The following SHLD1 variants were observed in gnomAD, a reference collection of about 807,000 sequenced individuals.
SHLD1 encodes RINN1-REV7-interacting novel NHEJ regulator 3.
SHLD1 carries 3 observed loss-of-function variants against 5.5 expected under a neutral mutation model. The ratio of observed to expected loss-of-function variants is 0.54; its 90% CI spans 0.25 to 1.40. SHLD1 has a LOEUF of 1.40. Ranked by LOEUF, SHLD1 falls within the 40% of genes most tolerant of loss-of-function variation. The probability of loss-of-function intolerance (pLI) is 0.15; values close to 1 mark genes in which losing one functional copy is unlikely to be tolerated. For missense variants in SHLD1, 210 were observed against 244.4 expected, an observed-to-expected ratio of 0.86 and a Z score of 0.94; for synonymous variants, 92 against 94.3, an observed-to-expected ratio of 0.98 and a Z score of 0.14.
At chr20:5,791,244 T>C (rs2087134466) in intron 2 of SHLD1, among the ~76,000 whole-genome samples, 2 of 101,358 alleles carry the variant, frequency 2.0e-5, no homozygotes, top group South Asian at 4.0e-4. Context: ...AAACAGAAAA[T>C]CTTAGCAAAT....
intron 2 of SHLD1, among the ~76,000 whole-genome samples, chr20:5,832,921 A>G (rs1174574706): frequency 6.6e-6 from 1 of 152,236 alleles, no homozygotes. Context: ...CCTGAGAATT[A>G]TAACAGAAGA....
chr20:5,791,563 CA>C (rs34606715), intron 2 of SHLD1, among the ~76,000 whole-genome samples: 16,203 of 60,966 alleles, frequency 0.27, 571 homozygotes, highest in Middle Eastern at 0.43. Context: ...GACCCTGTCT[CA>C]AAAAAAAAAA....
At chr20:5,848,459 C>A (rs1249526464) in intron 2 of SHLD1, among the ~76,000 whole-genome samples, 1 of 152,142 alleles carries the variant, frequency 6.6e-6, no homozygotes, top group African/African-American at 2.4e-5. Context: ...GCAGAGATTG[C>A]AATGAGCCAA....
chr20:5,843,685 T>A (rs1186348011), intron 2 of SHLD1, among the ~76,000 whole-genome samples: 1 of 152,232 alleles, frequency 6.6e-6, no homozygotes, highest in African/African-American at 2.4e-5. Flanking sequence ...ACCAGCTCAG[T>A]CAAACATTTT....
intron 1 of SHLD1, among the ~76,000 whole-genome samples, chr20:5,753,594 A>G (rs1162897208): frequency 1.3e-5 from 2 of 152,224 alleles, no homozygotes; most frequent in Admixed American, 6.5e-5. Context: ...CTGTGCCACT[A>G]GAAAAGGGAT....
At chr20:5,752,387 C>T (rs1420901318) in intron 1 of SHLD1, among the ~76,000 whole-genome samples, 3 of 136,244 alleles carry the variant, frequency 2.2e-5, no homozygotes, top group Non-Finnish European at 4.6e-5. Flanking sequence ...CAGAGTGAGA[C>T]TCCATCTCAA....
In SHLD1 at chr20:5,757,071, C is replaced by CTT. The variant is rs753877287; in HGVS notation, c.-5+6610_-5+6611dup. 7.1e-4 allele frequency among the ~76,000 whole-genome samples: 88 copies of CTT among 123,204 alleles called. 1 individual carries two copies. Among genetic ancestry groups the CTT allele is most frequent in the East Asian group, 1.4e-3 (6 of 4,386 alleles). 80.8% of individuals were successfully genotyped at this position (123,204 alleles called of 152,430 possible). A position where few individuals can be genotyped will look rare whatever the true frequency, so the allele number is the denominator to read the frequency against. On this transcript the variant is annotated intron_variant, in intron 1 of 2. Transcript: ENST00000303142. ...TTTCTTTTTCTTTTTTTCTTTCTTT[C>CTT]TTTTTTTTTTTTTTTTTTTGAGACA...
In SHLD1 at chr20:5,790,190, C is replaced by T. The variant is rs146951777; in HGVS notation, c.178+17147C>T. Among the ~76,000 whole-genome samples, 374 of 152,272 alleles carry T rather than the reference C, an allele frequency of 2.5e-3. 2 individuals are homozygous for T. Among genetic ancestry groups the T allele is most frequent in the African/African-American group, 8.7e-3 (360 of 41,556 alleles). The stretch of plus-strand genomic sequence containing the variant: ...ACTGGCAGAGGGGATCCCACTACCT[C>T]AGACAGCCCAACCCAGGGACCTTCT... On this transcript the variant is annotated intron_variant, in intron 2 of 2. Transcript: ENST00000303142.
chr20:5,808,591 G>A (rs2122364941), intron 2 of SHLD1, among the ~76,000 whole-genome samples: 1 of 152,286 alleles, frequency 6.6e-6, no homozygotes, highest in East Asian at 1.9e-4. Flanking sequence ...CCCATTGTAT[G>A]ATTGGATCAT....
intron 1 of SHLD1, chr20:5,765,297 G>A (rs537732897): frequency 6.6e-6 from 1 of 152,232 alleles, no homozygotes; most frequent in African/African-American, 2.4e-5. Context: ...CCAGGCTGGA[G>A]TGCAGTGGCA....
At chr20:5,842,501 A>G (rs2087876891) in intron 2 of SHLD1, among the ~76,000 whole-genome samples, 1 of 152,214 alleles carries the variant, frequency 6.6e-6, no homozygotes, top group African/African-American at 2.4e-5. Context: ...TGTTTACAGA[A>G]CATTGTGATT....
intron 2 of SHLD1, among the ~76,000 whole-genome samples, chr20:5,792,671 C>CTT (rs560022381): frequency 8.0e-6 from 1 of 124,852 alleles, no homozygotes; most frequent in Non-Finnish European, 1.7e-5. Flanking sequence ...CTGCCGTTTT[C>CTT]TTTTTTTTAA....
intron 1 of SHLD1, among the ~76,000 whole-genome samples, chr20:5,766,778 CTCT>C (rs1214763535): frequency 1.3e-5 from 2 of 152,102 alleles, no homozygotes; most frequent in African/African-American, 4.8e-5. Context: ...TATATTTTTT[CTCT>C]TCTTATAGCG....
chr20:5,757,956 C>G (rs770437118), intron 1 of SHLD1, among the ~76,000 whole-genome samples: 55 of 152,074 alleles, frequency 3.6e-4, no homozygotes, highest in Middle Eastern at 6.3e-3. Context: ...GGATTAGGTC[C>G]ATGTTAGAGT....
At chr20:5,787,643 T>C (rs916063077) in intron 2 of SHLD1, among the ~76,000 whole-genome samples, 14 of 152,144 alleles carry the variant, frequency 9.2e-5, no homozygotes, top group Non-Finnish European at 1.8e-4. Context: ...CTGGTGTGAG[T>C]AGGGAATAAG....
At chr20:5,762,756 C>T (rs546850966) in intron 1 of SHLD1, among the ~76,000 whole-genome samples, 17 of 151,886 alleles carry the variant, frequency 1.1e-4, no homozygotes, top group African/African-American at 2.9e-4. Context: ...AGGTGGGTCA[C>T]GAGGTTAGGA....
intron 2 of SHLD1, among the ~76,000 whole-genome samples, chr20:5,794,043 T>TA (rs11480793): frequency 0.27 from 40,026 of 149,076 alleles, 5,229 homozygotes; most frequent in Middle Eastern, 0.33. Context: ...TCCCCTCACT[T>TA]AAAAAAAAAA....
intron 2 of SHLD1, among the ~76,000 whole-genome samples, chr20:5,780,090 T>C (rs1600114080): frequency 6.8e-6 from 1 of 147,716 alleles, no homozygotes; most frequent in East Asian, 2.1e-4. Context: ...GTGATTCTCA[T>C]GCCTCAGCCT....
rs116602254 is a variant in SHLD1 at position 5,837,964 on chromosome 20, A to G, written c.179-25060A>G. Among the ~76,000 whole-genome samples the G allele has an allele frequency of 8.7e-3, 1,322 of 152,366 alleles. 15 individuals carry two copies. The highest frequency in any genetic ancestry group is 0.03 in the African/African-American group (1,267 of 41,588). ...TTGTTCAAGGATCAGCTGTAGTTACAAAACAAAGCAGGCAAAGACGGAAAA... is the reference window on the plus strand; with the variant it reads ...TTGTTCAAGGATCAGCTGTAGTTACGAAACAAAGCAGGCAAAGACGGAAAA... On this transcript the variant is annotated intron_variant, in intron 2 of 2. Coordinates refer to ENST00000303142, the MANE Select transcript of SHLD1 (RefSeq NM_152504.4).
Sources: gnomAD v4.1 joint callset for allele counts (sites outside exome capture counted in the v4.1 genomes callset) on GRCh38, gnomAD v4.1.1 for gene constraint, MANE v1.5 for transcripts, NCBI Gene and HGNC (gene_info 2026-07-23, HGNC 2026-07-21) for gene names.